The following MMP25 variants were observed in gnomAD, a reference collection of about 807,000 sequenced individuals.
MMP25 encodes matrix metallopeptidase 25.
A neutral mutation model predicts 62.1 loss-of-function variants in MMP25; 68 were observed. The ratio of observed to expected loss-of-function variants is 1.10; its 90% CI spans 0.90 to 1.34. The LOEUF (loss-of-function observed/expected upper bound fraction) is 1.34. MMP25 is among the 40% of genes most tolerant of loss of function. The pLI is 0.00. For missense variants in MMP25, 942 were observed against 792.5 expected (o/e 1.19, Z -2.26); for synonymous variants, 407 against 345.6 (o/e 1.18, Z -1.97).
chr16:3,049,864 C>G, intron 2 of MMP25, 145 bp from the exon 3 acceptor site: 2 of 1,236,186 alleles, frequency 1.6e-6, no homozygotes. Context: ...TGCCTGGGTT[C>G]AAACCTGGGC....
At chr16:3,055,079 G>T in intron 4 of MMP25, 1 of 153,856 alleles carries the variant, frequency 6.5e-6, no homozygotes. Context: ...TAGTGGCTGG[G>T]GCTGGGTGGA....
intron 6 of MMP25, 27 bp from the exon 7 acceptor site, chr16:3,057,500 CCTCT>C (rs1956034026): frequency 6.2e-7 from 1 of 1,606,758 alleles, no homozygotes; most frequent in Non-Finnish European, 8.5e-7. Flanking sequence ...AACAAACCCC[CCTCT>C]CTACTCACCT....
chr16:3,057,501 C>G (rs1485324910), intron 6 of MMP25, 30 bp from the exon 7 acceptor site: 2 of 1,607,488 alleles, frequency 1.2e-6, no homozygotes, highest in South Asian at 1.1e-5. Context: ...ACAAACCCCC[C>G]TCTCTACTCA....
rs1956060287 is a variant in MMP25 at position 3,058,644 on chromosome 16, T to C, written c.1392T>C (p.Pro464=). Residue 464 remains proline (P), a synonymous_variant, in exon 9 of 10, where the codon CCT becomes CCC. Transcript: ENST00000336577. ...LSLWEGAPPS[P]DDVTVSNAGD... is the part of the protein sequence containing the mutation. Reference sequence around the variant, plus strand: ...TCTGGGAAGGCGCGCCCCCCTCCCCTGACGATGTCACCGTCAGCAACGCAG... The same window carrying C: ...TCTGGGAAGGCGCGCCCCCCTCCCCCGACGATGTCACCGTCAGCAACGCAG... 1.9e-6 allele frequency: 3 copies of C among 1,602,448 alleles called. No homozygotes were observed. The highest frequency in any genetic ancestry group is 1.1e-5 in the South Asian group (1 of 90,180).
intron 7 of MMP25, 123 bp from the exon 8 acceptor site, chr16:3,058,058 T>A: frequency 1.7e-6 from 2 of 1,171,740 alleles, no homozygotes; most frequent in Non-Finnish European, 1.2e-6. Flanking sequence ...GATGGGCTGG[T>A]CACCCTAGAT....
At chr16:3,051,052 A>G (rs1233115899) in intron 4 of MMP25, 1 of 152,410 alleles carries the variant, frequency 6.6e-6, no homozygotes, top group Non-Finnish European at 1.5e-5. Flanking sequence ...TGGTCTCTCA[A>G]AGCATTGGGA....
chr16:3,054,091 C>G (rs1267047357), intron 4 of MMP25: 1 of 151,882 alleles, frequency 6.6e-6, no homozygotes, highest in African/African-American at 2.4e-5. Flanking sequence ...GATAGACTGA[C>G]AGATGCATGC....
intron 4 of MMP25, among the ~76,000 whole-genome samples, chr16:3,050,747 G>T (rs1322790711): frequency 2.6e-5 from 4 of 152,138 alleles, no homozygotes; most frequent in Non-Finnish European, 5.9e-5. Context: ...AGAGTAGCTG[G>T]GATCACTGGT....
rs750624311 is a variant in MMP25, at chr16:3,057,383, G to A, written c.912G>A (p.Ser304=). The change falls in exon 6 of 10, where the codon TCG becomes TCA. Residue 304 remains serine (S), a synonymous_variant. Transcript: ENST00000336577. ...PLAPPPQPPA[S]PTHSPSFPIP... ...CTCCTCCGCCCCAGCCCCCGGCCTCGCCCACACACAGGTGAGTCCCCCACC... is the reference window on the plus strand; with the variant it reads ...CTCCTCCGCCCCAGCCCCCGGCCTCACCCACACACAGGTGAGTCCCCCACC... The A allele has an allele frequency of 9.9e-6, 16 of 1,612,066 alleles. No individual in the cohort carries two copies. Among genetic ancestry groups the A allele is most frequent in the African/African-American group, 4.0e-5 (3 of 74,804 alleles).
intron 2 of MMP25, among the ~76,000 whole-genome samples, chr16:3,049,250 G>C (rs934844396): frequency 6.6e-6 from 1 of 152,012 alleles, no homozygotes. Flanking sequence ...GAAGTAGTTG[G>C]ATTCGGGGTG....
At position 3,059,351 on chromosome 16, in the gene MMP25, C is replaced by A. The variant is rs1567130503; in HGVS notation, c.*253C>A. ...ACCGGAACCCGCCTTCAGGGGCGCA[C>A]GCGCGCTGGGACCATGCGTCGGTCG... is the stretch of plus-strand genomic sequence containing the variant. On this transcript the variant is annotated 3_prime_UTR_variant, in exon 10 of 10. Coordinates refer to ENST00000336577, the MANE Select transcript of MMP25 (RefSeq NM_022468.5). 1 of 385,116 alleles carries A rather than the reference C, an allele frequency of 2.6e-6. No homozygotes were observed. Among genetic ancestry groups the A allele is most frequent in the Non-Finnish European group, 4.6e-6 (1 of 219,110 alleles). 23.9% of individuals were successfully genotyped at this position (385,116 alleles called of 1,614,324 possible). A position where few individuals can be genotyped will look rare whatever the true frequency, so the allele number is the denominator to read the frequency against.
intron 4 of MMP25, among the ~76,000 whole-genome samples, chr16:3,056,556 C>T (rs2151162334): frequency 6.6e-6 from 1 of 152,170 alleles, no homozygotes; most frequent in East Asian, 1.9e-4. Flanking sequence ...GGACCACAGG[C>T]ATGCGCCACC....
rs1227109000 is a variant in MMP25, at chr16:3,058,999, C to T, written c.1590C>T (p.Cys530=). ...AAGCGACCCCCGTGTCCGAAACCTG[C>T]GATTGTCAGTGCGAGCTCAACCAGG... is the stretch of plus-strand genomic sequence containing the variant. The part of the protein sequence containing the change: ...PPKATPVSET[C]DCQCELNQAA... Residue 530 remains cysteine, a synonymous_variant, in exon 10 of 10, where the codon TGC becomes TGT. Transcript: ENST00000336577. 3.9e-6 allele frequency: 6 copies of T among 1,556,572 alleles called. No individual in the cohort carries two copies. The Admixed American group carries it at 9.6e-5, about 25-fold the overall frequency.
chr16:3,057,619 T>C lies in MMP25; in HGVS notation c.1006+6T>C, dbSNP rs200610239. The C allele has an allele frequency of 1.2e-5, 19 of 1,613,496 alleles. No homozygotes were observed. The highest frequency in any genetic ancestry group is 1.6e-5 in the Non-Finnish European group (19 of 1,179,626). On this transcript the variant is annotated splice_donor_region_variant and intron_variant, in intron 7 of 9. Transcript: ENST00000336577. ...GGAAACTTTCTTCTTCAAAGGTGAG[T>C]CATTTCACTTGGCCTCATATATGTT...
At chr16:3,053,637 T>C (rs1051590864) in intron 4 of MMP25, 34 of 151,398 alleles carry the variant, frequency 2.2e-4, no homozygotes, top group African/African-American at 6.3e-4. Context: ...GAGGAAAGGG[T>C]GGAACGTGAC....
intron 4 of MMP25, chr16:3,054,582 G>A (rs4991619): frequency 1.2e-4 from 14 of 119,772 alleles, no homozygotes; most frequent in South Asian, 4.7e-4. Context: ...GCACAGAGGC[G>A]GGGATGGATG....
chr16:3,059,100 G>T lies in MMP25; in HGVS notation c.*2G>T. 16 of 1,537,214 alleles carry T rather than the reference G, an allele frequency of 1.0e-5. No homozygotes were observed. Among genetic ancestry groups the T allele is most frequent in the Non-Finnish European group, 1.3e-5 (15 of 1,138,974 alleles). Reference sequence around the variant, plus strand: ...GTGGGGGGTGTAGCCTCCCGCTGATGGGGGGAGCCATCCAGACCGAACAGC... The same window carrying T: ...GTGGGGGGTGTAGCCTCCCGCTGATTGGGGGAGCCATCCAGACCGAACAGC... On this transcript the variant is annotated 3_prime_UTR_variant, in exon 10 of 10. Transcript: ENST00000336577.
intron 4 of MMP25, among the ~76,000 whole-genome samples, chr16:3,055,376 A>G (rs991985017): frequency 2.6e-5 from 4 of 152,154 alleles, no homozygotes; most frequent in African/African-American, 7.2e-5. Context: ...TGAAACACCA[A>G]ACTACCCCCA....
chr16:3,055,676 G>C, intron 4 of MMP25: 1 of 352,260 alleles, frequency 2.8e-6, no homozygotes, highest in South Asian at 2.1e-5. Flanking sequence ...GGGACCGAGA[G>C]AAATTTGCTT....
Sources: gnomAD v4.1 joint callset for allele counts (sites outside exome capture counted in the v4.1 genomes callset) on GRCh38, gnomAD v4.1.1 for gene constraint, MANE v1.5 for transcripts, NCBI Gene and HGNC (gene_info 2026-07-23, HGNC 2026-07-21) for gene names.